The following KIRREL3 variants were observed in gnomAD, a reference collection of about 807,000 sequenced individuals.
The protein encoded by KIRREL3 is kin of IRRE-like protein 3.
Under a neutral mutation model 89.7 loss-of-function variants are expected in KIRREL3, and 36 were observed. The ratio of observed to expected loss-of-function variants is 0.40; its 90% CI spans 0.31 to 0.53. KIRREL3 has a LOEUF of 0.53. Among genes scored for constraint, KIRREL3 ranks in the 20% least tolerant of loss-of-function variants. KIRREL3 has a pLI of 0.49. For synonymous variants in KIRREL3, 445 were observed against 441.4 expected, an observed-to-expected ratio of 1.01 and a Z score of -0.10; for missense variants, 864 against 1,056.6, an observed-to-expected ratio of 0.82 and a Z score of 2.53.
At position 126,969,683 on chromosome 11, in the gene KIRREL3, T is replaced by C. The variant is rs1023374467; in HGVS notation, c.55+30772A>G. Among the ~76,000 whole-genome samples, 4 of 152,192 alleles carry C rather than the reference T, an allele frequency of 2.6e-5. No homozygotes were observed. In the South Asian group the frequency reaches 6.2e-4, roughly 24 times the overall value. On this transcript the variant is annotated intron_variant, in intron 1 of 16. Transcript: ENST00000525144. This position sits in a 1 kb window ranked among gnomAD's most constrained non-coding sequence, Gnocchi z 4.9. ...GGGTGAACTGTGATGGTAGCCATGA[T>C]GCTTTTCCACGCCCTTGATGACACA...
In KIRREL3 at chr11:126,437,014, C is replaced by T. The variant is rs761262764; in HGVS notation, c.1354-5G>A. The T allele has an allele frequency of 1.3e-6, 2 of 1,521,196 alleles. No homozygotes were observed. The highest frequency in any genetic ancestry group is 1.8e-6 in the Non-Finnish European group (2 of 1,127,584). 94.2% of individuals were successfully genotyped at this position (1,521,196 alleles called of 1,614,324 possible). On this transcript the variant is annotated splice_polypyrimidine_tract_variant and splice_region_variant and intron_variant, in intron 11 of 16. Transcript: ENST00000525144. ...GTTCTCCTTCCAGGACCAGGCCTGCCCGGGGGCGCAGAATCAGGAGGAGAC... is the reference window on the plus strand; with the variant it reads ...GTTCTCCTTCCAGGACCAGGCCTGCTCGGGGGCGCAGAATCAGGAGGAGAC...
chr11:126,685,669 C>A lies in KIRREL3; in HGVS notation c.56-122757G>T, dbSNP rs903398799. ...ACCTTAATTAAAACATTCCAAAATA[C>A]CATGGCTGAGTTAAAGTGCTGTGAC... On this transcript the variant is annotated intron_variant, in intron 1 of 16. Coordinates refer to ENST00000525144, the MANE Select transcript of KIRREL3 (RefSeq NM_032531.4). This position sits in a 1 kb window ranked among gnomAD's most constrained non-coding sequence, Gnocchi z 5.5. Among the ~76,000 whole-genome samples the A allele has an allele frequency of 6.6e-6, 1 of 152,214 alleles. No individual in the cohort carries two copies. Among genetic ancestry groups the A allele is most frequent in the African/African-American group, 2.4e-5 (1 of 41,446 alleles).
At chr11:126,584,831 A>G (rs1352454288) in intron 1 of KIRREL3, among the ~76,000 whole-genome samples, 1 of 152,118 alleles carries the variant, frequency 6.6e-6, no homozygotes, top group Non-Finnish European at 1.5e-5. Flanking sequence ...ACTCAATAAT[A>G]CCAGATATCA....
At chr11:126,820,519 A>G (rs1943174763) in intron 1 of KIRREL3, among the ~76,000 whole-genome samples, 1 of 152,204 alleles carries the variant, frequency 6.6e-6, no homozygotes, top group Non-Finnish European at 1.5e-5. Context: ...AAGAACAGAG[A>G]AGAATACAAA....
rs912374300 is a variant in KIRREL3 at position 126,697,333 on chromosome 11, G to C, written c.56-134421C>G. ...CTGGCCTTGCCGGCTCACTGCACAGGGTGGGCACTTAGTCCCTGACTTGGA... is the reference window on the plus strand; with the variant it reads ...CTGGCCTTGCCGGCTCACTGCACAGCGTGGGCACTTAGTCCCTGACTTGGA... On this transcript the variant is annotated intron_variant, in intron 1 of 16. Coordinates refer to ENST00000525144, the MANE Select transcript of KIRREL3 (RefSeq NM_032531.4). The surrounding 1 kb of genome is among the most constrained non-coding windows in gnomAD (Gnocchi z 4.2). Among the ~76,000 whole-genome samples, 1 of 152,186 alleles carries C rather than the reference G, an allele frequency of 6.6e-6. No homozygotes were observed. The highest frequency in any genetic ancestry group is 1.5e-5 in the Non-Finnish European group (1 of 68,028).
chr11:126,982,862 GC>G (rs1949755807), intron 1 of KIRREL3, among the ~76,000 whole-genome samples: 1 of 152,176 alleles, frequency 6.6e-6, no homozygotes, highest in South Asian at 2.1e-4. Context: ...ACAGGAGGAG[GC>G]CAAGGTCTAT....
At chr11:126,510,440 C>A in intron 4 of KIRREL3, among the ~76,000 whole-genome samples, 1 of 148,436 alleles carries the variant, frequency 6.7e-6, no homozygotes, top group Non-Finnish European at 1.5e-5. Context: ...TTCCTTCCTT[C>A]CTTCCTTCCT....
At chr11:126,789,656 C>T (rs1950579285) in intron 1 of KIRREL3, among the ~76,000 whole-genome samples, 1 of 152,184 alleles carries the variant, frequency 6.6e-6, no homozygotes, top group African/African-American at 2.4e-5. Flanking sequence ...CTCCATCTCC[C>T]CGGAGTTGTA....
In KIRREL3 at chr11:126,808,672, A is replaced by G. The variant is rs1951281811; in HGVS notation, c.55+191783T>C. 6.6e-6 allele frequency among the ~76,000 whole-genome samples: 1 copy of G among 152,200 alleles called. No individual in the cohort carries two copies. ...TTAACCATCTCAGATTAAATGCTGA[A>G]TTGTATTTTGGGGTCTGAGTTTTGT... On this transcript the variant is annotated intron_variant, in intron 1 of 16. Transcript: ENST00000525144. The surrounding 1 kb of genome is among the most constrained non-coding windows in gnomAD (Gnocchi z 4.1).
chr11:126,429,158 G>A lies in KIRREL3; in HGVS notation c.1806+21C>T, dbSNP rs1187753772. The A allele has an allele frequency of 8.9e-6, 13 of 1,467,674 alleles. 1 individual carries two copies. In the South Asian group the frequency reaches 1.4e-4, roughly 15 times the overall value. The allele number at this position is 1,467,674 out of a possible 1,614,324, so 90.9% of individuals were successfully genotyped here. A position where few individuals can be genotyped will look rare whatever the true frequency, so the allele number is the denominator to read the frequency against. ...TGGGAATGGAGTCACGGGATGGGAT[G>A]GGGCGTAATTGCATTCTTACCATCA... On this transcript the variant is annotated intron_variant, in intron 15 of 16. Transcript: ENST00000525144. The surrounding 1 kb of genome is among the most constrained non-coding windows in gnomAD (Gnocchi z 5.2).
At chr11:126,592,661 C>A (rs1565577612) in intron 1 of KIRREL3, among the ~76,000 whole-genome samples, 1 of 152,200 alleles carries the variant, frequency 6.6e-6, no homozygotes, top group Non-Finnish European at 1.5e-5. Context: ...AAACAGCGCG[C>A]CTGGGGCCAG....
chr11:126,909,851 A>C lies in KIRREL3; in HGVS notation c.55+90604T>G, dbSNP rs1417821371. Among the ~76,000 whole-genome samples, 1 of 152,148 alleles carries C rather than the reference A, an allele frequency of 6.6e-6. No homozygotes were observed. Among genetic ancestry groups the C allele is most frequent in the African/African-American group, 2.4e-5 (1 of 41,426 alleles). On this transcript the variant is annotated intron_variant, in intron 1 of 16. Coordinates refer to ENST00000525144, the MANE Select transcript of KIRREL3 (RefSeq NM_032531.4). This position sits in a 1 kb window ranked among gnomAD's most constrained non-coding sequence, Gnocchi z 4.5. ...TGGGAGGGTGTTATGCAAGATTCAG[A>C]TATATGGTCTGTGATATGGATATGA...
intron 1 of KIRREL3, among the ~76,000 whole-genome samples, chr11:126,975,985 C>T (rs1949564118): frequency 7.1e-6 from 1 of 141,610 alleles, no homozygotes; most frequent in African/African-American, 2.6e-5. Flanking sequence ...TCAGTATATG[C>T]CCCAGTTTGT....
chr11:126,675,613 C>T (rs1946153290), intron 1 of KIRREL3, among the ~76,000 whole-genome samples: 1 of 152,144 alleles, frequency 6.6e-6, no homozygotes, highest in African/African-American at 2.4e-5. Context: ...TGGGGCCATC[C>T]CAATGCCTAC....
Position 126,778,837 on chromosome 11 carries a change from G to A in KIRREL3, c.56-215925C>T, listed in dbSNP as rs1207272446. On this transcript the variant is annotated intron_variant, in intron 1 of 16. Transcript: ENST00000525144. This position sits in a 1 kb window ranked among gnomAD's most constrained non-coding sequence, Gnocchi z 4.5. ...GACCCATTTATATAAGTCCAGCATGGAAAAACTGTCGTTCTTGTTATTTTA... is the reference window on the plus strand; with the variant it reads ...GACCCATTTATATAAGTCCAGCATGAAAAAACTGTCGTTCTTGTTATTTTA... Among the ~76,000 whole-genome samples the A allele has an allele frequency of 2.0e-5, 3 of 152,306 alleles. No homozygotes were observed. The East Asian group carries it at 5.8e-4, about 29-fold the overall frequency.
intron 1 of KIRREL3, among the ~76,000 whole-genome samples, chr11:126,961,879 A>G (rs1423043987): frequency 6.6e-6 from 1 of 152,238 alleles, no homozygotes; most frequent in Non-Finnish European, 1.5e-5. Context: ...CTCATTTATC[A>G]TTTTAAAAAT....
At chr11:126,789,698 A>C (rs1377761773) in intron 1 of KIRREL3, among the ~76,000 whole-genome samples, 3 of 152,048 alleles carry the variant, frequency 2.0e-5, no homozygotes, top group African/African-American at 7.2e-5. Context: ...CCTAGTCCAA[A>C]CTTCTCCAGA....
chr11:126,960,926 C>A (rs1343633173), intron 1 of KIRREL3, among the ~76,000 whole-genome samples: 6 of 152,090 alleles, frequency 3.9e-5, no homozygotes, highest in Non-Finnish European at 8.8e-5. Context: ...ATTTCAAATA[C>A]TTTCATTATT....
rs1274208245 is a variant in KIRREL3 at position 126,476,386 on chromosome 11, T to C, written c.434-2920A>G. ...GAGCACAGTGCAGCCACCAAGGCCT[T>C]CCCGAGAATCCAAGACCCAGAGGAC... is the stretch of plus-strand genomic sequence containing the variant. On this transcript the variant is annotated intron_variant, in intron 4 of 16. Transcript: ENST00000525144. The surrounding 1 kb of genome is among the most constrained non-coding windows in gnomAD (Gnocchi z 6.4). Among the ~76,000 whole-genome samples the C allele has an allele frequency of 6.6e-6, 1 of 152,080 alleles. No homozygotes were observed. Among genetic ancestry groups the C allele is most frequent in the African/African-American group, 2.4e-5 (1 of 41,396 alleles).
Sources: gnomAD v4.1 joint callset for allele counts (sites outside exome capture counted in the v4.1 genomes callset) on GRCh38, gnomAD v4.1.1 for gene constraint, Gnocchi (gnomAD v3.1) non-coding constraint, MANE v1.5 for transcripts, NCBI Gene and HGNC (gene_info 2026-07-23, HGNC 2026-07-21) for gene names.